AFG1L: variants seen among roughly 807,000 people sequenced by gnomAD.
The protein encoded by AFG1L is AFG1 like ATPase.
AFG1L carries 53 observed loss-of-function variants against 62.2 expected under a neutral mutation model. The observed-to-expected ratio is 0.85, with a 90% CI of 0.68 to 1.07. AFG1L has a LOEUF of 1.07. Ranked by LOEUF, AFG1L falls within the 50% of genes least tolerant of loss-of-function variation. AFG1L has a pLI of 0.00. For missense variants in AFG1L, 555 were observed against 590.5 expected (o/e 0.94, Z 0.62); for synonymous variants, 228 against 210.3 (o/e 1.08, Z -0.73).
At chr6:108,392,569 A>G (rs1330561952) in intron 6 of AFG1L, among the ~76,000 whole-genome samples, 1 of 152,170 alleles carries the variant, frequency 6.6e-6, no homozygotes, top group Non-Finnish European at 1.5e-5. Flanking sequence ...GTTGAATTGA[A>G]TATCAAGCTA....
At chr6:108,472,711 G>A (rs999502420) in intron 8 of AFG1L, among the ~76,000 whole-genome samples, 6 of 143,806 alleles carry the variant, frequency 4.2e-5, no homozygotes, top group Non-Finnish European at 9.0e-5. Context: ...ATGGAATCTC[G>A]CTCCGTCGCC....
chr6:108,360,066 C>T, intron 5 of AFG1L, among the ~76,000 whole-genome samples: 1 of 152,166 alleles, frequency 6.6e-6, no homozygotes, highest in East Asian at 1.9e-4. Context: ...AATCGGTGAG[C>T]TAAAGCCCAG....
chr6:108,314,358 A>G (rs561560889), intron 1 of AFG1L, among the ~76,000 whole-genome samples: 3 of 152,054 alleles, frequency 2.0e-5, no homozygotes, highest in Admixed American at 6.5e-5. Context: ...ATTATCTTCA[A>G]TAATATCTTG....
intron 7 of AFG1L, among the ~76,000 whole-genome samples, chr6:108,424,323 A>G (rs1770723232): frequency 1.3e-5 from 2 of 152,148 alleles, no homozygotes; most frequent in African/African-American, 4.8e-5. Flanking sequence ...TATTTCTTTT[A>G]AACTATGATA....
Position 108,347,054 on chromosome 6 carries a change from A to G in AFG1L, c.415+15A>G, listed in dbSNP as rs779452626. 8.7e-6 allele frequency: 14 copies of G among 1,611,902 alleles called. No homozygotes were observed. In the South Asian group the frequency reaches 1.4e-4, roughly 16 times the overall value. On this transcript the variant is annotated intron_variant, in intron 3 of 12. Transcript: ENST00000368977. ...TGGAGATGTTGGTAAGTGTGTTAAAATAAGTTTTGGGTGGGCAAAACAGAA... is the reference window on the plus strand; with the variant it reads ...TGGAGATGTTGGTAAGTGTGTTAAAGTAAGTTTTGGGTGGGCAAAACAGAA...
chr6:108,513,815 C>T (rs989667753), intron 11 of AFG1L, among the ~76,000 whole-genome samples: 1 of 152,214 alleles, frequency 6.6e-6, no homozygotes, highest in Admixed American at 6.5e-5. Context: ...AGACTGTCTC[C>T]TCAAGTGGGT....
chr6:108,384,061 TAAAAA>T (rs541978025), intron 6 of AFG1L, among the ~76,000 whole-genome samples: 3 of 80,098 alleles, frequency 3.7e-5, no homozygotes, highest in Admixed American at 1.4e-4. Flanking sequence ...TCCTGGAGAG[TAAAAA>T]AAAAAAAAAA....
At chr6:108,434,597 A>G (rs978617429) in intron 7 of AFG1L, among the ~76,000 whole-genome samples, 3 of 152,124 alleles carry the variant, frequency 2.0e-5, no homozygotes, top group African/African-American at 7.2e-5. Context: ...ATGTTTATGC[A>G]GTTTTCTTCC....
intron 2 of AFG1L, among the ~76,000 whole-genome samples, chr6:108,346,580 C>T (rs1778872756): frequency 6.6e-6 from 1 of 152,140 alleles, no homozygotes; most frequent in Non-Finnish European, 1.5e-5. Flanking sequence ...ATTGCCCAGG[C>T]TGGTCTTGAA....
chr6:108,399,212 G>A (rs1352159577), intron 6 of AFG1L, among the ~76,000 whole-genome samples: 4 of 114,510 alleles, frequency 3.5e-5, no homozygotes, highest in African/African-American at 7.0e-5. Flanking sequence ...TTTTTGAGAC[G>A]GAGTCTCACT....
intron 10 of AFG1L, among the ~76,000 whole-genome samples, chr6:108,498,885 A>C (rs1205701502): frequency 2.6e-5 from 4 of 151,998 alleles, no homozygotes; most frequent in Admixed American, 1.3e-4. Flanking sequence ...GGGGCAGGAG[A>C]ATCACTTGAA....
At chr6:108,413,054 T>G (rs1782190264) in intron 7 of AFG1L, among the ~76,000 whole-genome samples, 1 of 151,328 alleles carries the variant, frequency 6.6e-6, no homozygotes, top group Admixed American at 6.6e-5. Flanking sequence ...GGGCTCAAAA[T>G]AAAAGGATGG....
intron 2 of AFG1L, among the ~76,000 whole-genome samples, chr6:108,335,946 CTTAT>C (rs1253616199): frequency 6.6e-6 from 1 of 152,186 alleles, no homozygotes; most frequent in Non-Finnish European, 1.5e-5. Context: ...ACACCCCCAA[CTTAT>C]TTAGATACTT....
chr6:108,378,622 G>A (rs886821012), intron 6 of AFG1L, among the ~76,000 whole-genome samples: 2 of 151,952 alleles, frequency 1.3e-5, no homozygotes, highest in Non-Finnish European at 2.9e-5. Flanking sequence ...CCCGGCCTAT[G>A]CTTTGAGTTC....
intron 10 of AFG1L, among the ~76,000 whole-genome samples, chr6:108,485,620 A>ATTTAAATATATATATATATATATTT (rs1562189618): frequency 2.7e-5 from 2 of 75,016 alleles, no homozygotes; most frequent in African/African-American, 1.1e-4. Flanking sequence ...AGAAATACGA[A>ATTTAAATATATATATATATATATTT]TTTAAATATA....
At chr6:108,339,019 T>C (rs1778577580) in intron 2 of AFG1L, among the ~76,000 whole-genome samples, 1 of 152,206 alleles carries the variant, frequency 6.6e-6, no homozygotes, top group Non-Finnish European at 1.5e-5. Flanking sequence ...TTTGCCATGA[T>C]GGTATTTCAT....
intron 11 of AFG1L, among the ~76,000 whole-genome samples, chr6:108,513,410 C>T (rs923374168): frequency 1.3e-5 from 2 of 152,228 alleles, no homozygotes; most frequent in Non-Finnish European, 2.9e-5. Context: ...GGATCACTCC[C>T]ACCCTAATAC....
At chr6:108,387,882 C>T (rs1193463272) in intron 6 of AFG1L, 1 of 152,022 alleles carries the variant, frequency 6.6e-6, no homozygotes, top group Non-Finnish European at 1.5e-5. Context: ...CAATGTCTCA[C>T]ATTGTCTAGC....
rs1399729369 is a variant in AFG1L at position 108,523,169 on chromosome 6, G to A, written c.*744G>A. The A allele has an allele frequency of 1.3e-5, 2 of 151,092 alleles. No homozygotes were observed. The highest frequency in any genetic ancestry group is 3.9e-4 in the East Asian group (2 of 5,138). The allele number at this position is 151,092 out of a possible 1,614,324, so 9.4% of individuals were successfully genotyped here. ...CAGGAATGGGGACCAGTGAGAGAGT[G>A]TGGGCGGGGGGGTGGGTGTCAGAGT... is the stretch of plus-strand genomic sequence containing the variant. On this transcript the variant is annotated 3_prime_UTR_variant, in exon 13 of 13. Coordinates refer to ENST00000368977, the MANE Select transcript of AFG1L (RefSeq NM_145315.5).
Sources: allele counts gnomAD v4.1 joint callset (sites outside exome capture counted in the v4.1 genomes callset), GRCh38; gene constraint gnomAD v4.1.1; transcripts MANE v1.5; gene names NCBI Gene and HGNC (gene_info 2026-07-23, HGNC 2026-07-21).